The following ASIC2 variants were observed in gnomAD, a reference collection of about 807,000 sequenced individuals.
ASIC2 encodes the protein acid-sensing ion channel 2.
In ASIC2, 25 loss-of-function variants were observed where a neutral mutation model predicts 57.3. That is an observed-to-expected ratio of 0.44 (90% CI 0.32 to 0.61). The LOEUF is 0.61. Ranked by LOEUF, ASIC2 falls within the 20% of genes least tolerant of loss-of-function variation. ASIC2 has a pLI of 0.06. For synonymous variants in ASIC2, 319 were observed against 307.5 expected (o/e 1.04, Z -0.39); for missense variants, 641 against 738.1 (o/e 0.87, Z 1.52).
Position 33,223,211 on chromosome 17 carries a change from T to C in ASIC2, c.708+68197A>G, listed in dbSNP as rs577732511. 1.5e-3 allele frequency among the ~76,000 whole-genome samples: 220 copies of C among 151,694 alleles called. 1 individual carries two copies. Among genetic ancestry groups the C allele is most frequent in the Non-Finnish European group, 2.8e-3 (190 of 67,924 alleles). On this transcript the variant is annotated intron_variant, in intron 1 of 9. Transcript: ENST00000225823. ...TTTCTTTTTTCTTTTTTAGAAGGAG[T>C]CTCTCTCTGTCACTAGGCTGGAGTA...
At chr17:33,358,731 A>G (rs1908484494) in intron 1 of ASIC2, among the ~76,000 whole-genome samples, 1 of 152,232 alleles carries the variant, frequency 6.6e-6, no homozygotes, top group African/African-American at 2.4e-5. Flanking sequence ...GCTAGGAGAC[A>G]ACTGCTCCTA....
rs143139742 is a variant in ASIC2 at position 34,129,454 on chromosome 17, T to C, written c.555+26524A>G. ...GAATCCTGGTAGGACATGACCGCAT[T>C]TGATATACACACACATACCACAGGG... is the stretch of plus-strand genomic sequence containing the variant. On this transcript the variant is annotated intron_variant, in intron 1 of 9. Transcript: ENST00000359872. 2.7e-3 allele frequency among the ~76,000 whole-genome samples: 414 copies of C among 152,340 alleles called. 4 individuals carry two copies. Among genetic ancestry groups the C allele is most frequent in the African/African-American group, 9.3e-3 (388 of 41,588 alleles).
intron 1 of ASIC2, among the ~76,000 whole-genome samples, chr17:33,921,138 A>G (rs1356490009): frequency 6.6e-6 from 1 of 152,102 alleles, no homozygotes; most frequent in Non-Finnish European, 1.5e-5. Flanking sequence ...CTCCCCACAG[A>G]GGGTTGAGGA....
chr17:33,132,248 G>A lies in ASIC2; in HGVS notation c.709-20181C>T, dbSNP rs533102386. On this transcript the variant is annotated intron_variant, in intron 1 of 9. Transcript: ENST00000225823. ...AAACTTATGCAATGTGAGCCAAATCGCCTGTCTTTGAATGATGGTTCTGCC... is the reference window on the plus strand; with the variant it reads ...AAACTTATGCAATGTGAGCCAAATCACCTGTCTTTGAATGATGGTTCTGCC... Among the ~76,000 whole-genome samples the A allele has an allele frequency of 7.2e-5, 11 of 152,276 alleles. No individual in the cohort carries two copies. The South Asian group carries it at 1.0e-3, about 14-fold the overall frequency.
At chr17:33,249,525 G>T (rs1410164442) in intron 1 of ASIC2, among the ~76,000 whole-genome samples, 2 of 152,184 alleles carry the variant, frequency 1.3e-5, no homozygotes, top group Admixed American at 1.3e-4. Context: ...AGTCTCCGCA[G>T]GAGTGAGCCC....
intron 1 of ASIC2, among the ~76,000 whole-genome samples, chr17:33,850,425 T>C (rs2141915171): frequency 6.6e-6 from 1 of 152,374 alleles, no homozygotes; most frequent in East Asian, 1.9e-4. Context: ...TTTTTCTCCA[T>C]GTTTAGTTCT....
At chr17:33,528,373 A>G (rs912219697) in intron 1 of ASIC2, among the ~76,000 whole-genome samples, 15 of 152,172 alleles carry the variant, frequency 9.9e-5, no homozygotes, top group African/African-American at 1.7e-4. Flanking sequence ...CCAGAGCACC[A>G]ACAACCCTGA....
intron 7 of ASIC2, among the ~76,000 whole-genome samples, chr17:33,017,998 T>C (rs2091815913): frequency 6.6e-6 from 1 of 152,222 alleles, no homozygotes; most frequent in Non-Finnish European, 1.5e-5. Flanking sequence ...GGTCCTGTTT[T>C]GACTCTGGGC....
chr17:33,431,613 A>G (rs1427283509), intron 1 of ASIC2, among the ~76,000 whole-genome samples: 1 of 152,178 alleles, frequency 6.6e-6, no homozygotes, highest in African/African-American at 2.4e-5. Flanking sequence ...TGGGTAGAGG[A>G]AGAGAGTCAG....
intron 1 of ASIC2, chr17:33,932,741 A>AAAAAAAATATATATATATAT (rs1555572867): frequency 8.5e-5 from 5 of 58,700 alleles, no homozygotes; most frequent in Non-Finnish European, 1.2e-4. Context: ...AAAAAAAAAA[A>AAAAAAAATATATATATATAT]ATATATATAT....
chr17:33,024,218 C>T (rs1323855903), intron 5 of ASIC2, among the ~76,000 whole-genome samples: 1 of 152,166 alleles, frequency 6.6e-6, no homozygotes, highest in Non-Finnish European at 1.5e-5. Context: ...TTTTAACTGT[C>T]ATGTCACTCT....
At chr17:33,707,860 C>A (rs6505374) in intron 1 of ASIC2, among the ~76,000 whole-genome samples, 53,041 of 152,002 alleles carry the variant, frequency 0.35, 10,879 homozygotes, top group African/African-American at 0.58. Flanking sequence ...TTTTAAAGGA[C>A]GATCAACTGA....
intron 1 of ASIC2, among the ~76,000 whole-genome samples, chr17:33,837,758 G>T (rs1182846576): frequency 6.6e-6 from 1 of 152,126 alleles, no homozygotes; most frequent in African/African-American, 2.4e-5. Context: ...GACTCACCCT[G>T]TTTAACTACA....
chr17:33,178,295 A>G (rs1223174337), intron 1 of ASIC2, among the ~76,000 whole-genome samples: 1 of 152,188 alleles, frequency 6.6e-6, no homozygotes, highest in African/African-American at 2.4e-5. Context: ...AAAATTTTAA[A>G]ATATGACTGT....
In ASIC2 at chr17:34,011,808, A is replaced by G. The variant is rs1244142262; in HGVS notation, c.555+144170T>C. On this transcript the variant is annotated intron_variant, in intron 1 of 9. Coordinates refer to the ASIC2 transcript ENST00000359872. ...GCTCCCTTCTGGCTCCTGTGACACCACTCACCCCACTCCCCGCCCCTTCTC... is the reference window on the plus strand; with the variant it reads ...GCTCCCTTCTGGCTCCTGTGACACCGCTCACCCCACTCCCCGCCCCTTCTC... Among the ~76,000 whole-genome samples the G allele has an allele frequency of 2.6e-5, 4 of 151,610 alleles. No individual in the cohort carries two copies. The East Asian group carries it at 5.8e-4, about 22-fold the overall frequency.
intron 1 of ASIC2, among the ~76,000 whole-genome samples, chr17:33,355,060 T>C (rs916732660): frequency 6.6e-6 from 1 of 152,178 alleles, no homozygotes; most frequent in Non-Finnish European, 1.5e-5. Context: ...TGTGGGTATG[T>C]GTATATTCGG....
chr17:34,056,316 G>A (rs1908763927), intron 1 of ASIC2, among the ~76,000 whole-genome samples: 1 of 152,178 alleles, frequency 6.6e-6, no homozygotes, highest in Non-Finnish European at 1.5e-5. Flanking sequence ...CCATCACCTG[G>A]CACACAGCTT....
intron 1 of ASIC2, among the ~76,000 whole-genome samples, chr17:33,823,163 GCTT>G (rs1442913173): frequency 1.3e-5 from 2 of 152,264 alleles, no homozygotes; most frequent in South Asian, 2.1e-4. Flanking sequence ...ATGCAGTCTT[GCTT>G]CTTATCACAG....
chr17:33,227,425 A>T (rs1175148931), intron 1 of ASIC2, among the ~76,000 whole-genome samples: 3 of 151,994 alleles, frequency 2.0e-5, no homozygotes, highest in African/African-American at 7.3e-5. Context: ...CAGCTTGGGG[A>T]GAATTTAGCA....
Sources: gnomAD v4.1 joint callset for allele counts (sites outside exome capture counted in the v4.1 genomes callset) on GRCh38, gnomAD v4.1.1 for gene constraint, MANE v1.5 for transcripts, NCBI Gene and HGNC (gene_info 2026-07-23, HGNC 2026-07-21) for gene names.